Variants in ASTN2 observed in about 807,000 individuals in gnomAD.
ASTN2 encodes astrotactin-2.
In ASTN2, 54 loss-of-function variants were observed where a neutral mutation model predicts 139.8. The observed-to-expected ratio is 0.39, with a 90% CI of 0.31 to 0.48. The LOEUF is 0.48. Among genes scored for constraint, ASTN2 ranks in the 20% least tolerant of loss-of-function variants. The probability of loss-of-function intolerance (pLI) is 0.95; values close to 1 mark genes in which losing one functional copy is unlikely to be tolerated. For missense variants in ASTN2, 1,565 were observed against 1,725.1 expected, an observed-to-expected ratio of 0.91 and a Z score of 1.64; for synonymous variants, 756 against 719.5, an observed-to-expected ratio of 1.05 and a Z score of -0.81.
intron 2 of ASTN2, among the ~76,000 whole-genome samples, chr9:117,224,093 T>G (rs1832621303): frequency 6.6e-6 from 1 of 152,156 alleles, no homozygotes; most frequent in African/African-American, 2.4e-5. Flanking sequence ...CTATAAAAAT[T>G]TATCAAGGAG....
intron 1 of ASTN2, among the ~76,000 whole-genome samples, chr9:117,353,560 C>T (rs1829450408): frequency 6.6e-6 from 1 of 152,136 alleles, no homozygotes; most frequent in Non-Finnish European, 1.5e-5. Context: ...AAAATGATGA[C>T]ACCTTGGTGC....
chr9:116,830,629 T>TGGG (rs1564290712), intron 11 of ASTN2, among the ~76,000 whole-genome samples: 1 of 97,680 alleles, frequency 1.0e-5, no homozygotes, highest in South Asian at 3.5e-4. Flanking sequence ...CTGTCTCTAC[T>TGGG]AAAAGTACAA....
chr9:116,843,270 T>C (rs951147577), intron 11 of ASTN2, among the ~76,000 whole-genome samples: 1 of 152,234 alleles, frequency 6.6e-6, no homozygotes, highest in Non-Finnish European at 1.5e-5. Context: ...AAAAAAATCA[T>C]GTCCTTTGCA....
chr9:116,546,626 T>A (rs906767977), intron 19 of ASTN2: 1 of 152,178 alleles, frequency 6.6e-6, no homozygotes, highest in African/African-American at 2.4e-5. Flanking sequence ...ACCTGTACCA[T>A]CATATCAAAA....
intron 19 of ASTN2, among the ~76,000 whole-genome samples, chr9:116,500,809 G>A (rs1023879018): frequency 1.3e-4 from 20 of 152,114 alleles, no homozygotes; most frequent in Admixed American, 1.1e-3. Flanking sequence ...ATTGCCTTGC[G>A]TATGGTAAAT....
At chr9:116,640,484 AG>A (rs1433651174) in intron 17 of ASTN2, among the ~76,000 whole-genome samples, 2 of 152,230 alleles carry the variant, frequency 1.3e-5, no homozygotes, top group African/African-American at 2.4e-5. Flanking sequence ...CTGATAAATC[AG>A]TAACAGTTCA....
intron 3 of ASTN2, among the ~76,000 whole-genome samples, chr9:117,174,123 CTAGA>C (rs35789854): frequency 0.33 from 48,605 of 146,708 alleles, 8,053 homozygotes; most frequent in African/African-American, 0.37. Flanking sequence ...AGCTAGCTAA[CTAGA>C]TAGATAGATA....
chr9:116,974,033 C>A (rs900820228), intron 10 of ASTN2, among the ~76,000 whole-genome samples: 1 of 152,152 alleles, frequency 6.6e-6, no homozygotes, highest in Non-Finnish European at 1.5e-5. Flanking sequence ...GACCCAAAGG[C>A]AACTATGGAG....
intron 20 of ASTN2, among the ~76,000 whole-genome samples, chr9:116,486,479 G>A (rs1166339698): frequency 6.6e-6 from 1 of 152,170 alleles, no homozygotes; most frequent in Non-Finnish European, 1.5e-5. Flanking sequence ...GAATGTTTGG[G>A]TAGACAGATA....
chr9:117,253,138 C>T (rs1833584139), intron 2 of ASTN2, among the ~76,000 whole-genome samples: 1 of 152,154 alleles, frequency 6.6e-6, no homozygotes, highest in Non-Finnish European at 1.5e-5. Flanking sequence ...CCTGGTCATA[C>T]CATGACTGAG....
chr9:116,907,255 C>T (rs1248400228), intron 10 of ASTN2, among the ~76,000 whole-genome samples: 1 of 152,194 alleles, frequency 6.6e-6, no homozygotes, highest in Non-Finnish European at 1.5e-5. Flanking sequence ...TCCCTTTTCC[C>T]TGGCCTGCAG....
chr9:116,621,523 C>G (rs1856154630), intron 17 of ASTN2, among the ~76,000 whole-genome samples: 1 of 152,028 alleles, frequency 6.6e-6, no homozygotes, highest in South Asian at 2.1e-4. Context: ...CTTTGGGTCT[C>G]AAATAGGAAA....
chr9:116,656,671 TTTG>T (rs972714853), intron 16 of ASTN2, among the ~76,000 whole-genome samples: 2 of 127,334 alleles, frequency 1.6e-5, no homozygotes, highest in East Asian at 2.5e-4. Flanking sequence ...TGGGTATTAT[TTTG>T]TTGCCACCAA....
At chr9:116,920,054 G>T (rs1834557691) in intron 10 of ASTN2, among the ~76,000 whole-genome samples, 2 of 152,132 alleles carry the variant, frequency 1.3e-5, no homozygotes, top group South Asian at 4.1e-4. Flanking sequence ...TCTTATAATG[G>T]ACAAGTCTTG....
At chr9:116,801,051 T>C (rs1198845266) in intron 13 of ASTN2, among the ~76,000 whole-genome samples, 1 of 152,110 alleles carries the variant, frequency 6.6e-6, no homozygotes, top group Non-Finnish European at 1.5e-5. Context: ...TTTGATATCC[T>C]AGGCCAGCCA....
At chr9:117,237,553 C>T (rs2133067485) in intron 2 of ASTN2, among the ~76,000 whole-genome samples, 1 of 152,274 alleles carries the variant, frequency 6.6e-6, no homozygotes, top group Non-Finnish European at 1.5e-5. Flanking sequence ...GATCTCAGCT[C>T]ACTGTAACCT....
chr9:116,705,771 G>A lies in ASTN2; in HGVS notation c.2806+20000C>T, dbSNP rs139346166. Among the ~76,000 whole-genome samples the A allele has an allele frequency of 6.4e-3, 981 of 152,234 alleles. 6 individuals are homozygous for A. Among genetic ancestry groups the A allele is most frequent in the Middle Eastern group, 0.017 (5 of 294 alleles). The stretch of plus-strand genomic sequence containing the variant: ...AAGAGAGTAAGATAAATGGTAACAG[G>A]ATAGAAATGGAGTGCCAAGTGTTTG... On this transcript the variant is annotated intron_variant, in intron 16 of 22. Coordinates refer to ENST00000313400, the MANE Select transcript of ASTN2 (RefSeq NM_001365068.1).
intron 5 of ASTN2, among the ~76,000 whole-genome samples, chr9:117,053,863 AAATCAAGGGG>A: frequency 2.0e-5 from 3 of 152,146 alleles, no homozygotes. Context: ...CCAGATCCTT[AAATCAAGGGG>A]TCTTTTGTTT....
intron 1 of ASTN2, among the ~76,000 whole-genome samples, chr9:117,403,400 T>C (rs1830893150): frequency 6.6e-6 from 1 of 152,144 alleles, no homozygotes; most frequent in Non-Finnish European, 1.5e-5. Flanking sequence ...TGGAGGACAA[T>C]AGGGAATCCA....
Sources: gnomAD v4.1 joint callset for allele counts (sites outside exome capture counted in the v4.1 genomes callset) on GRCh38, gnomAD v4.1.1 for gene constraint, MANE v1.5 for transcripts, NCBI Gene and HGNC (gene_info 2026-07-23, HGNC 2026-07-21) for gene names.